ZBTB7C: variants seen among roughly 807,000 people sequenced by gnomAD.
ZBTB7C encodes the protein zinc finger and BTB domain-containing protein 7C.
A neutral mutation model predicts 25.7 loss-of-function variants in ZBTB7C; 8 were observed. The ratio of observed to expected loss-of-function variants is 0.31; its 90% CI spans 0.18 to 0.56. The LOEUF (loss-of-function observed/expected upper bound fraction) is 0.56, where lower values mean the gene tolerates loss of function less well. ZBTB7C is among the 20% of genes least tolerant of loss of function. ZBTB7C has a pLI of 0.91. For synonymous variants in ZBTB7C, 394 were observed against 369.0 expected (o/e 1.07, Z -0.78); for missense variants, 824 against 855.2 (o/e 0.96, Z 0.46).
chr18:48,391,579 A>G (rs1354763760), intron 1 of ZBTB7C, among the ~76,000 whole-genome samples: 3 of 152,202 alleles, frequency 2.0e-5, no homozygotes, highest in Non-Finnish European at 4.4e-5. Flanking sequence ...CAAAAATAAT[A>G]CAAAATCAGT....
rs185559947 is a variant in ZBTB7C, at chr18:48,397,742, C to T, written c.-304+11484G>A. On this transcript the variant is annotated intron_variant, in intron 1 of 4. Transcript: ENST00000590800. ...CTCTTCTTTAAAATCTTACAAGCTA[C>T]ACTATGTCATTTAGCTCTTCAGCAT... Among the ~76,000 whole-genome samples, 90 of 152,302 alleles carry T rather than the reference C, an allele frequency of 5.9e-4. 1 individual carries two copies. Among genetic ancestry groups the T allele is most frequent in the African/African-American group, 2.1e-3 (86 of 41,562 alleles).
intron 3 of ZBTB7C, chr18:48,137,105 G>T: frequency 2.0e-6 from 2 of 985,472 alleles, no homozygotes; most frequent in Non-Finnish European, 2.4e-6. Flanking sequence ...GCTCGCGGGA[G>T]CCTGCCGCAG....
chr18:48,038,909 G>T (rs1372193669), intron 4 of ZBTB7C, among the ~76,000 whole-genome samples: 1 of 152,158 alleles, frequency 6.6e-6, no homozygotes, highest in African/African-American at 2.4e-5. Context: ...CTCCCCACCT[G>T]TGGACATGGC....
rs1184682664 is a variant in ZBTB7C, at chr18:48,040,237, CCTT to C, written c.868_870del (p.Lys290del). On this transcript the variant is annotated inframe_deletion, in exon 4 of 5. Coordinates refer to ENST00000590800, the MANE Select transcript of ZBTB7C (RefSeq NM_001318841.2). ...GGGGGCAGCTCCTCCTTCTCCTCCTCCTTGATCTTCCGATTCTTGATGACCAGA... is the reference window on the plus strand; with the variant it reads ...GGGGGCAGCTCCTCCTTCTCCTCCTCGATCTTCCGATTCTTGATGACCAGA... 1 of 1,565,502 alleles carries C rather than the reference CCTT, an allele frequency of 6.4e-7. No homozygotes were observed. The highest frequency in any genetic ancestry group is 1.2e-5 in the South Asian group (1 of 82,082).
chr18:48,094,052 C>T (rs2038525738), intron 3 of ZBTB7C, among the ~76,000 whole-genome samples: 1 of 152,042 alleles, frequency 6.6e-6, no homozygotes, highest in African/African-American at 2.4e-5. Flanking sequence ...GAGCGAGACT[C>T]CATCTCAAAA....
At chr18:48,238,892 G>C (rs540523626) in intron 2 of ZBTB7C, among the ~76,000 whole-genome samples, 135 of 152,232 alleles carry the variant, frequency 8.9e-4, no homozygotes, top group African/African-American at 3.2e-3. Flanking sequence ...CCTTGTAGCC[G>C]GGGGCAAGAT....
chr18:48,381,692 A>G (rs1367790607), intron 1 of ZBTB7C, among the ~76,000 whole-genome samples: 1 of 152,238 alleles, frequency 6.6e-6, no homozygotes, highest in Non-Finnish European at 1.5e-5. Context: ...AAATCACAAT[A>G]ACTTACAAGA....
At chr18:48,230,673 G>A (rs1451444527) in intron 2 of ZBTB7C, among the ~76,000 whole-genome samples, 1 of 152,228 alleles carries the variant, frequency 6.6e-6, no homozygotes, top group East Asian at 1.9e-4. Flanking sequence ...GATGTGAGCT[G>A]CCAGTGGGTG....
At chr18:48,038,423 G>A (rs1323793626) in intron 4 of ZBTB7C, among the ~76,000 whole-genome samples, 1 of 152,150 alleles carries the variant, frequency 6.6e-6, no homozygotes, top group African/African-American at 2.4e-5. Flanking sequence ...CCCCTGAGGA[G>A]CCTGCAGAGC....
intron 3 of ZBTB7C, chr18:48,148,741 C>A (rs189180023): frequency 6.6e-6 from 1 of 152,140 alleles, no homozygotes; most frequent in Admixed American, 6.5e-5. Flanking sequence ...AGATTCCTTA[C>A]GAAAAGTTTC....
At chr18:48,273,647 A>G (rs2044555312) in intron 2 of ZBTB7C, among the ~76,000 whole-genome samples, 1 of 152,058 alleles carries the variant, frequency 6.6e-6, no homozygotes. Context: ...TTCAATTCTA[A>G]AAAAGGAAAG....
At chr18:48,374,233 G>A (rs1403179110) in intron 1 of ZBTB7C, 1 of 152,240 alleles carries the variant, frequency 6.6e-6, no homozygotes, top group African/African-American at 2.4e-5. Flanking sequence ...TCAGTGTCCA[G>A]TTCCTAGAAG....
chr18:48,176,438 T>C (rs943762855), intron 3 of ZBTB7C, among the ~76,000 whole-genome samples: 3 of 152,192 alleles, frequency 2.0e-5, no homozygotes, highest in Admixed American at 2.0e-4. Context: ...GGGGAGAACA[T>C]TATGAAGTTA....
At chr18:48,297,536 G>A (rs1445009566) in intron 2 of ZBTB7C, among the ~76,000 whole-genome samples, 1 of 152,092 alleles carries the variant, frequency 6.6e-6, no homozygotes, top group African/African-American at 2.4e-5. Flanking sequence ...TGGGTGGGAT[G>A]TGCTGCCATG....
intron 1 of ZBTB7C, among the ~76,000 whole-genome samples, chr18:48,353,112 T>A (rs2046901067): frequency 6.6e-6 from 1 of 152,228 alleles, no homozygotes. Context: ...GCAGCCTGTA[T>A]AGGGCTTTCC....
At chr18:48,310,550 GT>G (rs1409525238) in intron 2 of ZBTB7C, among the ~76,000 whole-genome samples, 1 of 151,982 alleles carries the variant, frequency 6.6e-6, no homozygotes, top group Non-Finnish European at 1.5e-5. Flanking sequence ...TTCTTTGTGT[GT>G]GTGTCTGTGT....
At chr18:48,367,202 T>TACAC (rs1180190109) in intron 1 of ZBTB7C, among the ~76,000 whole-genome samples, 15 of 63,374 alleles carry the variant, frequency 2.4e-4, no homozygotes, top group African/African-American at 9.2e-4. Flanking sequence ...TATATATATA[T>TACAC]ACACACACAC....
At chr18:48,315,075 T>G (rs1270483994) in intron 2 of ZBTB7C, among the ~76,000 whole-genome samples, 1 of 152,184 alleles carries the variant, frequency 6.6e-6, no homozygotes. Flanking sequence ...GCCTGGGGAA[T>G]GCCTTCATGA....
intron 1 of ZBTB7C, among the ~76,000 whole-genome samples, chr18:48,407,030 G>C (rs552692169): frequency 6.6e-6 from 1 of 152,260 alleles, no homozygotes; most frequent in East Asian, 1.9e-4. Context: ...ATAAAATACA[G>C]AGTAAAAAAC....
Sources: gnomAD v4.1 joint callset for allele counts (sites outside exome capture counted in the v4.1 genomes callset) on GRCh38, gnomAD v4.1.1 for gene constraint, MANE v1.5 for transcripts, NCBI Gene and HGNC (gene_info 2026-07-23, HGNC 2026-07-21) for gene names.